Variants in ADARB1 observed in about 807,000 individuals in gnomAD.
ADARB1 encodes the protein double-stranded RNA-specific editase 1.
A neutral mutation model predicts 52.4 loss-of-function variants in ADARB1; 10 were observed. The observed-to-expected ratio is 0.19, with a 90% CI of 0.12 to 0.32. The LOEUF (loss-of-function observed/expected upper bound fraction) is 0.32, where lower values mean the gene tolerates loss of function less well. Ranked by LOEUF, ADARB1 falls within the 10% of genes least tolerant of loss-of-function variation. The pLI is 1.00. For synonymous variants in ADARB1, 349 were observed against 371.1 expected (o/e 0.94, Z 0.68); for missense variants, 643 against 922.3 (o/e 0.70, Z 3.92).
In ADARB1 at chr21:45,223,173, GA is replaced by G; in HGVS notation, c.*977del. 1 of 985,476 alleles carries G rather than the reference GA, an allele frequency of 1.0e-6. No homozygotes were observed. Among genetic ancestry groups the G allele is most frequent in the African/African-American group, 1.7e-5 (1 of 57,346 alleles). The allele number at this position is 985,476 out of a possible 1,614,324, so 61.0% of individuals were successfully genotyped here. A position where few individuals can be genotyped will look rare whatever the true frequency, so the allele number is the denominator to read the frequency against. On this transcript the variant is annotated 3_prime_UTR_variant, in exon 11 of 11. Coordinates refer to ENST00000348831, the MANE Select transcript of ADARB1 (RefSeq NM_001112.4). ...GGTGACCGCCCGAAGGCCTTCACAG[GA>G]TGGAAGTAGAATGATTTCAGTAGAT...
At chr21:45,081,610 C>T (rs1295546008) in intron 1 of ADARB1, among the ~76,000 whole-genome samples, 4 of 152,132 alleles carry the variant, frequency 2.6e-5, no homozygotes, top group South Asian at 2.1e-4. Context: ...GGAACTCCAC[C>T]GTCAGTCAAG....
At chr21:45,107,411 A>T (rs1363181224) in intron 1 of ADARB1, among the ~76,000 whole-genome samples, 1 of 152,218 alleles carries the variant, frequency 6.6e-6, no homozygotes, top group Non-Finnish European at 1.5e-5. Flanking sequence ...GAAAACTTAG[A>T]AAAGAAAGAG....
chr21:45,115,499 C>T (rs2087778281), intron 1 of ADARB1, among the ~76,000 whole-genome samples: 1 of 152,220 alleles, frequency 6.6e-6, no homozygotes, highest in South Asian at 2.1e-4. Context: ...TTGTCTGTAT[C>T]ATCAGATGCC....
At chr21:45,167,958 T>C (rs1200667925) in intron 2 of ADARB1, among the ~76,000 whole-genome samples, 1 of 152,088 alleles carries the variant, frequency 6.6e-6, no homozygotes, top group Non-Finnish European at 1.5e-5. Flanking sequence ...GCCAGCAGTC[T>C]ATGAGAGATC....
rs116080526 is a variant in ADARB1, at chr21:45,090,337, C to A, written c.-220+15544C>A. 1.7e-3 allele frequency among the ~76,000 whole-genome samples: 265 copies of A among 152,170 alleles called. 3 individuals carry two copies. Among genetic ancestry groups the A allele is most frequent in the African/African-American group, 6.2e-3 (257 of 41,492 alleles). ...TATTTTTTCAAAATGAGTCTCTCCC[C>A]AGCCCTACCCCTAGTCTTTTCATTT... On this transcript the variant is annotated intron_variant, in intron 1 of 10. Transcript: ENST00000348831.
At chr21:45,112,511 G>A (rs1036659623) in intron 1 of ADARB1, among the ~76,000 whole-genome samples, 10 of 151,848 alleles carry the variant, frequency 6.6e-5, no homozygotes, top group African/African-American at 1.9e-4. Context: ...CCTTCCTCTC[G>A]GTGTGTATCT....
intron 2 of ADARB1, among the ~76,000 whole-genome samples, chr21:45,159,262 G>A (rs540931264): frequency 6.6e-6 from 1 of 152,222 alleles, no homozygotes; most frequent in Admixed American, 6.5e-5. Flanking sequence ...AGAACCAAGC[G>A]AAAGGGGAAA....
chr21:45,180,501 A>G (rs2091891709), intron 5 of ADARB1, 57 bp downstream of exon 5: 1 of 1,410,248 alleles, frequency 7.1e-7, no homozygotes, highest in Non-Finnish European at 9.9e-7. Flanking sequence ...ACAAATGTGA[A>G]ATGTTCTCAA....
chr21:45,128,190 T>C lies in ADARB1; in HGVS notation c.-219-212T>C, dbSNP rs1601476913. Among the ~76,000 whole-genome samples, 1 of 152,260 alleles carries C rather than the reference T, an allele frequency of 6.6e-6. No homozygotes were observed. Among genetic ancestry groups the C allele is most frequent in the Non-Finnish European group, 1.5e-5 (1 of 68,040 alleles). ...TGCCTCCGTCTGTCACAGGTGCCTC[T>C]ACCTGCTGCAGGCAGACGGACGGAG... is the stretch of plus-strand genomic sequence containing the variant. On this transcript the variant is annotated intron_variant, in intron 1 of 10. Transcript: ENST00000348831. This position sits in a 1 kb window ranked among gnomAD's most constrained non-coding sequence, Gnocchi z 4.6.
chr21:45,136,921 G>A (rs192330021), intron 2 of ADARB1, among the ~76,000 whole-genome samples: 12 of 152,356 alleles, frequency 7.9e-5, no homozygotes, highest in Admixed American at 5.9e-4. Context: ...CCTAAGAAGT[G>A]GTTGGATTCC....
rs140644625 is a variant in ADARB1 at position 45,080,782 on chromosome 21, C to T, written c.-220+5989C>T. Reference sequence around the variant, plus strand: ...CGGTGCCTGATTTGTGCTTGATTTGCCTAGCTGGGAATTTCAGTTTTGCAT... The same window carrying T: ...CGGTGCCTGATTTGTGCTTGATTTGTCTAGCTGGGAATTTCAGTTTTGCAT... On this transcript the variant is annotated intron_variant, in intron 1 of 10. Coordinates refer to ENST00000348831, the MANE Select transcript of ADARB1 (RefSeq NM_001112.4). Among the ~76,000 whole-genome samples, 18 of 152,290 alleles carry T rather than the reference C, an allele frequency of 1.2e-4. No individual in the cohort carries two copies. In the East Asian group the frequency reaches 3.3e-3, roughly 28 times the overall value.
intron 9 of ADARB1, among the ~76,000 whole-genome samples, chr21:45,207,743 G>A (rs148211158): frequency 1.1e-3 from 166 of 152,288 alleles, no homozygotes; most frequent in African/African-American, 1.9e-3. Flanking sequence ...GGTCATTCCC[G>A]TGTTAAAAAG....
intron 1 of ADARB1, among the ~76,000 whole-genome samples, chr21:45,082,130 G>T (rs545040244): frequency 6.6e-6 from 1 of 152,182 alleles, no homozygotes; most frequent in African/African-American, 2.4e-5. Context: ...ATGATGCCAC[G>T]TTCCAGAGGA....
chr21:45,160,507 T>A (rs1323219221), intron 2 of ADARB1, among the ~76,000 whole-genome samples: 1 of 152,258 alleles, frequency 6.6e-6, no homozygotes, highest in Non-Finnish European at 1.5e-5. Context: ...CAGCACTGCT[T>A]TGCCATGATG....
intron 1 of ADARB1, among the ~76,000 whole-genome samples, chr21:45,123,929 C>G (rs1348476898): frequency 1.3e-5 from 2 of 152,168 alleles, no homozygotes; most frequent in Non-Finnish European, 2.9e-5. Flanking sequence ...TAATACTGTC[C>G]TTTTCTTTTT....
chr21:45,110,372 G>A (rs2087478735), intron 1 of ADARB1, among the ~76,000 whole-genome samples: 1 of 152,180 alleles, frequency 6.6e-6, no homozygotes, highest in African/African-American at 2.4e-5. Context: ...TCTGTGCCAA[G>A]TAATGGCTGT....
At position 45,176,495 on chromosome 21, in the gene ADARB1, T is replaced by C; in HGVS notation, c.794T>C (p.Met265Thr). The change falls in exon 4 of 11, where the codon ATG becomes ACG. Residue 265 changes from methionine to threonine, a missense_variant. Around this residue, in one of 2 missense-constraint regions of ADARB1, gnomAD observed 380 missense variants for 446.5 expected, o/e 0.85. Coordinates refer to ENST00000348831, the MANE Select transcript of ADARB1 (RefSeq NM_001112.4). This position sits in a 1 kb window ranked among gnomAD's most constrained non-coding sequence, Gnocchi z 5.8. ...GAGAGCCATGCCAAGAGCTTCGTCA[T>C]GTCTGTGGTCGTGGATGGTCAGTTC... ...SGESHAKSFV[M>T]SVVVDGQFFE... is the part of the protein sequence containing the mutation. 2 of 1,614,186 alleles carry C rather than the reference T, an allele frequency of 1.2e-6. No individual in the cohort carries two copies. The highest frequency in any genetic ancestry group is 1.7e-6 in the Non-Finnish European group (2 of 1,180,028).
rs191040616 is a variant in ADARB1, at chr21:45,169,982, C to G, written c.-47-1628C>G. ...TCTGCCCTGACTGCAGGGGTCTTGC[C>G]CTCTGTGCCTACATCTCACCTCCCA... On this transcript the variant is annotated intron_variant, in intron 2 of 10. Coordinates refer to ENST00000348831, the MANE Select transcript of ADARB1 (RefSeq NM_001112.4). 1.8e-3 allele frequency among the ~76,000 whole-genome samples: 276 copies of G among 152,324 alleles called. 1 individual carries two copies. The highest frequency in any genetic ancestry group is 6.4e-3 in the African/African-American group (267 of 41,572).
At chr21:45,173,386 C>A in intron 3 of ADARB1, among the ~76,000 whole-genome samples, 1 of 152,088 alleles carries the variant, frequency 6.6e-6, no homozygotes, top group Non-Finnish European at 1.5e-5. Context: ...TAGTATTTTC[C>A]TTTATGATAG....
Sources: gnomAD v4.1 joint callset for allele counts (sites outside exome capture counted in the v4.1 genomes callset) on GRCh38, gnomAD v4.1.1 for gene constraint, gnomAD v4.1.1 regional missense constraint, Gnocchi (gnomAD v3.1) non-coding constraint, MANE v1.5 for transcripts, NCBI Gene and HGNC (gene_info 2026-07-23, HGNC 2026-07-21) for gene names.